The following HNF4G variants were observed in gnomAD, a reference collection of about 807,000 sequenced individuals.
HNF4G encodes hepatocyte nuclear factor 4-gamma.
A neutral mutation model predicts 50.9 loss-of-function variants in HNF4G; 21 were observed. That is an observed-to-expected ratio of 0.41 (90% CI 0.29 to 0.59). HNF4G has a LOEUF of 0.59. Among genes scored for constraint, HNF4G ranks in the 20% least tolerant of loss-of-function variants. HNF4G has a pLI of 0.26. For synonymous variants in HNF4G, 198 were observed against 185.6 expected (o/e 1.07, Z -0.54); for missense variants, 527 against 559.4 (o/e 0.94, Z 0.58).
chr8:75,443,219 C>T (rs1811329603), intron 1 of HNF4G, among the ~76,000 whole-genome samples: 4 of 152,084 alleles, frequency 2.6e-5, no homozygotes, highest in Admixed American at 2.6e-4. Context: ...TCTTGGACTT[C>T]CCAGCCTCCA....
intron 1 of HNF4G, among the ~76,000 whole-genome samples, chr8:75,461,814 A>T (rs1480277921): frequency 6.6e-6 from 1 of 151,322 alleles, no homozygotes; most frequent in African/African-American, 2.4e-5. Flanking sequence ...ATTGCTAATA[A>T]TAAAACAGGA....
intron 2 of HNF4G, among the ~76,000 whole-genome samples, chr8:75,529,357 A>G (rs1336514044): frequency 1.3e-5 from 2 of 151,900 alleles, no homozygotes; most frequent in African/African-American, 4.8e-5. Flanking sequence ...GGAGAAACCA[A>G]CCTCATGACT....
intron 1 of HNF4G, among the ~76,000 whole-genome samples, chr8:75,430,311 C>A (rs1406679980): frequency 6.6e-6 from 1 of 152,142 alleles, no homozygotes; most frequent in Admixed American, 6.6e-5. Flanking sequence ...TTCTTCACTG[C>A]ATACAGCCTA....
chr8:75,453,870 C>A (rs992503216), intron 1 of HNF4G, among the ~76,000 whole-genome samples: 3 of 152,090 alleles, frequency 2.0e-5, no homozygotes, highest in Non-Finnish European at 4.4e-5. Context: ...CTGTCCTTCC[C>A]AAATTCATAT....
At chr8:75,518,261 T>C (rs1032833908) in intron 2 of HNF4G, among the ~76,000 whole-genome samples, 9 of 151,404 alleles carry the variant, frequency 5.9e-5, no homozygotes, top group African/African-American at 1.9e-4. Context: ...GTCCTTGTGA[T>C]AGTTTGCTGA....
chr8:75,441,873 G>A (rs1811295361), intron 1 of HNF4G, among the ~76,000 whole-genome samples: 1 of 152,172 alleles, frequency 6.6e-6, no homozygotes, highest in African/African-American at 2.4e-5. Flanking sequence ...TAGCAGCACT[G>A]TTTGTAAAAG....
intron 5 of HNF4G, among the ~76,000 whole-genome samples, chr8:75,555,701 G>C (rs950742938): frequency 2.0e-5 from 3 of 149,640 alleles, no homozygotes; most frequent in African/African-American, 7.4e-5. Flanking sequence ...GTCTGATTCT[G>C]TTTCCCTTGC....
chr8:75,508,773 G>A (rs1007368511), intron 2 of HNF4G, among the ~76,000 whole-genome samples: 2 of 152,104 alleles, frequency 1.3e-5, no homozygotes, highest in Admixed American at 6.5e-5. Flanking sequence ...TAATATTGAA[G>A]GTTAGAGGGG....
intron 1 of HNF4G, among the ~76,000 whole-genome samples, chr8:75,474,038 A>T (rs1371570416): frequency 6.6e-6 from 1 of 152,202 alleles, no homozygotes; most frequent in African/African-American, 2.4e-5. Context: ...TTTGTGGTCA[A>T]CTAGGGATAG....
chr8:75,565,358 G>C lies in HNF4G; in HGVS notation c.*1262G>C, dbSNP rs191724665. 7.9e-5 allele frequency: 12 copies of C among 152,014 alleles called. No homozygotes were observed. The East Asian group carries it at 2.1e-3, about 27-fold the overall frequency. The allele number at this position is 152,014 out of a possible 1,614,324, so 9.4% of individuals were successfully genotyped here. ...GAAACCACTTTTGTAGTTTTAACCA[G>C]ACTTTCTCTTAAAAACATTAGATAA... On this transcript the variant is annotated 3_prime_UTR_variant, in exon 10 of 10. Transcript: ENST00000396423.
intron 1 of HNF4G, among the ~76,000 whole-genome samples, chr8:75,471,742 C>T (rs1163671910): frequency 6.6e-6 from 1 of 152,150 alleles, no homozygotes. Flanking sequence ...GGATCATTTT[C>T]AGTTCTCTGA....
chr8:75,482,852 T>C (rs1282857960), intron 1 of HNF4G, among the ~76,000 whole-genome samples: 1 of 152,238 alleles, frequency 6.6e-6, no homozygotes, highest in Non-Finnish European at 1.5e-5. Flanking sequence ...CATATCTTGA[T>C]TCTGTATCTA....
At chr8:75,494,797 A>G (rs1812727265) in intron 2 of HNF4G, among the ~76,000 whole-genome samples, 1 of 152,038 alleles carries the variant, frequency 6.6e-6, no homozygotes, top group Non-Finnish European at 1.5e-5. Context: ...TATACATTTT[A>G]TACAATTATA....
rs1407074955 is a variant in HNF4G, at chr8:75,466,505, TCTCC to T, written c.-143-23571_-143-23568del. On this transcript the variant is annotated intron_variant, in intron 1 of 10. Coordinates refer to the HNF4G transcript ENST00000354370. Reference sequence around the variant, plus strand: ...CTTTCCCTCTGTCCCTTCCTCCCTCTCTCCCTCCCTCCCTCCTTTCCTTCCTTCC... The same window carrying T: ...CTTTCCCTCTGTCCCTTCCTCCCTCTCTCCCTCCCTCCTTTCCTTCCTTCC... Among the ~76,000 whole-genome samples the T allele has an allele frequency of 4.6e-5, 7 of 150,652 alleles. No homozygotes were observed. In the South Asian group the frequency reaches 8.5e-4, roughly 18 times the overall value.
intron 2 of HNF4G, among the ~76,000 whole-genome samples, chr8:75,525,580 A>G (rs1806155580): frequency 6.6e-6 from 1 of 152,184 alleles, no homozygotes; most frequent in Admixed American, 6.5e-5. Context: ...CTCACCTCTA[A>G]GCCAGCTAGC....
chr8:75,433,660 A>C (rs1811068462), intron 1 of HNF4G, among the ~76,000 whole-genome samples: 2 of 152,122 alleles, frequency 1.3e-5, no homozygotes, highest in Admixed American at 6.6e-5. Flanking sequence ...CAGCCTCCCA[A>C]AGTGCTGGGA....
At chr8:75,561,945 A>C (rs565499794) in intron 9 of HNF4G, among the ~76,000 whole-genome samples, 38 of 152,302 alleles carry the variant, frequency 2.5e-4, no homozygotes, top group African/African-American at 8.7e-4. Flanking sequence ...ATTTGATTAA[A>C]TATCTAGATT....
At chr8:75,474,557 A>G (rs989510342) in intron 1 of HNF4G, among the ~76,000 whole-genome samples, 6 of 152,170 alleles carry the variant, frequency 3.9e-5, no homozygotes, top group Admixed American at 3.3e-4. Context: ...TAGAAATCTA[A>G]TTACAAATGT....
chr8:75,430,866 G>A (rs558197354), intron 1 of HNF4G, among the ~76,000 whole-genome samples: 164 of 152,126 alleles, frequency 1.1e-3, no homozygotes, highest in Non-Finnish European at 1.9e-3. Flanking sequence ...AAAGAAATCA[G>A]TAAAAACAAA....
Sources: allele counts gnomAD v4.1 joint callset (sites outside exome capture counted in the v4.1 genomes callset), GRCh38; gene constraint gnomAD v4.1.1; transcripts MANE v1.5; gene names NCBI Gene and HGNC (gene_info 2026-07-23, HGNC 2026-07-21).